Variants in CTNNA1 observed in about 807,000 individuals in gnomAD.
The protein encoded by CTNNA1 is catenin alpha 1, also known as catenin alpha-1.
A neutral mutation model predicts 98.4 loss-of-function variants in CTNNA1; 37 were observed. The ratio of observed to expected loss-of-function variants is 0.38; its 90% CI spans 0.29 to 0.49. CTNNA1 has a LOEUF of 0.49. Ranked by LOEUF, CTNNA1 falls within the 20% of genes least tolerant of loss-of-function variation. The pLI, the probability that CTNNA1 is intolerant of heterozygous loss-of-function variation, is 0.95. For synonymous variants in CTNNA1, 404 were observed against 413.2 expected (o/e 0.98, Z 0.27); for missense variants, 761 against 1,147.2 (o/e 0.66, Z 4.86).
At position 138,925,210 on chromosome 5, in the gene CTNNA1, A is replaced by C. The variant is rs372484399; in HGVS notation, c.1748-46A>C. The C allele has an allele frequency of 1.5e-4, 245 of 1,594,890 alleles. No homozygotes were observed. Among genetic ancestry groups the C allele is most frequent in the Non-Finnish European group, 3.3e-5 (39 of 1,169,882 alleles). ...TGATTCAGGGAGGGCCAGGGGAATG[A>C]TGCTGCCTGCTGACCAGGGTATCTA... On this transcript the variant is annotated intron_variant, in intron 12 of 17. Coordinates refer to ENST00000302763, the MANE Select transcript of CTNNA1 (RefSeq NM_001903.5).
rs570885327 is a variant in CTNNA1 at position 138,803,829 on chromosome 5, C to T, written c.302-6209C>T. On this transcript the variant is annotated intron_variant, in intron 3 of 17. Coordinates refer to ENST00000302763, the MANE Select transcript of CTNNA1 (RefSeq NM_001903.5). ...TCCAGTACTATTGTTTATTGTCTTT[C>T]TCTCCCACTAGAATGTAAGTTCCCT... Among the ~76,000 whole-genome samples the T allele has an allele frequency of 4.3e-4, 65 of 152,314 alleles. 2 individuals carry two copies. In the South Asian group the frequency reaches 0.012, roughly 29 times the overall value.
At chr5:138,896,191 A>G (rs1476355222) in intron 9 of CTNNA1, among the ~76,000 whole-genome samples, 7 of 152,156 alleles carry the variant, frequency 4.6e-5, no homozygotes, top group Non-Finnish European at 4.4e-5. Context: ...GTGTGTACAC[A>G]GTGTCAGGGA....
At chr5:138,818,134 C>CTT (rs781515010) in intron 5 of CTNNA1, among the ~76,000 whole-genome samples, 5 of 133,470 alleles carry the variant, frequency 3.7e-5, no homozygotes, top group African/African-American at 8.3e-5. Context: ...TTTCCTTTTT[C>CTT]TTTTTTTTTT....
chr5:138,776,735 C>T (rs1754263930), intron 1 of CTNNA1, among the ~76,000 whole-genome samples: 1 of 150,280 alleles, frequency 6.7e-6, no homozygotes, highest in African/African-American at 2.4e-5. Flanking sequence ...TCCTCACTTC[C>T]CAGTAGGGGC....
chr5:138,932,898 C>A (rs748484235), intron 17 of CTNNA1, 186 bp downstream of exon 17: 35 of 829,524 alleles, frequency 4.2e-5, no homozygotes, highest in Non-Finnish European at 6.5e-5. Flanking sequence ...AACTGTGACA[C>A]CTGCGGGGCA....
chr5:138,796,352 C>G (rs558821226), intron 3 of CTNNA1, among the ~76,000 whole-genome samples: 1 of 151,512 alleles, frequency 6.6e-6, no homozygotes, highest in African/African-American at 2.4e-5. Flanking sequence ...GTCAGGAGAT[C>G]GAGACCACGG....
intron 9 of CTNNA1, among the ~76,000 whole-genome samples, chr5:138,892,923 G>A (rs1176496186): frequency 6.6e-6 from 1 of 152,094 alleles, no homozygotes; most frequent in Non-Finnish European, 1.5e-5. Flanking sequence ...GGCTGAGGCA[G>A]GAGAATCACT....
chr5:138,759,828 G>T (rs1266295387), intron 1 of CTNNA1, among the ~76,000 whole-genome samples: 1 of 152,060 alleles, frequency 6.6e-6, no homozygotes, highest in Non-Finnish European at 1.5e-5. Flanking sequence ...TACTGTCCCA[G>T]TCTTTCCTTG....
At chr5:138,908,770 G>A (rs1411590903) in intron 10 of CTNNA1, among the ~76,000 whole-genome samples, 1 of 152,036 alleles carries the variant, frequency 6.6e-6, no homozygotes, top group East Asian at 2.0e-4. Context: ...TTATCATTAA[G>A]AAAAGAGGAG....
chr5:138,783,521 C>A (rs1755366427), intron 3 of CTNNA1, 149 bp downstream of exon 3: 2 of 651,682 alleles, frequency 3.1e-6, no homozygotes, highest in African/African-American at 1.8e-5. Flanking sequence ...TTAAGTTGGA[C>A]TGGCTCATAT....
Position 138,886,262 on chromosome 5 carries a change from G to A in CTNNA1, c.1113G>A (p.Met371Ile), listed in dbSNP as rs767384077. 1 of 1,610,746 alleles carries A rather than the reference G, an allele frequency of 6.2e-7. No homozygotes were observed. Among genetic ancestry groups the A allele is most frequent in the South Asian group, 1.1e-5 (1 of 90,418 alleles). ...SDALNSAIDK[M>I]TKKTRDLRRQ... is the part of the protein sequence containing the mutation. ...CACTCAATTCTGCAATAGATAAAAT[G>A]ACCAAGAAGACCAGGGACTTGCGTA... Residue 371 changes from methionine to isoleucine, a missense_variant, in exon 8 of 18, where the codon ATG becomes ATA. By Grantham distance (10) the Met-to-Ile change is conservative. This residue lies in a region of CTNNA1 where 287 missense variants were observed against 436.0 expected (regional missense o/e 0.66). Coordinates refer to ENST00000302763, the MANE Select transcript of CTNNA1 (RefSeq NM_001903.5).
intron 7 of CTNNA1, among the ~76,000 whole-genome samples, chr5:138,857,321 T>C (rs1348776434): frequency 6.6e-6 from 1 of 152,172 alleles, no homozygotes; most frequent in African/African-American, 2.4e-5. Flanking sequence ...GGCTTCTTGT[T>C]ATTTGGTCCT....
chr5:138,781,074 T>G (rs1271185840), intron 1 of CTNNA1, among the ~76,000 whole-genome samples: 1 of 152,202 alleles, frequency 6.6e-6, no homozygotes, highest in Non-Finnish European at 1.5e-5. Flanking sequence ...TGAGTGATAA[T>G]AGCTGTGGGT....
chr5:138,921,918 T>C (rs74884354), intron 11 of CTNNA1, among the ~76,000 whole-genome samples: 1 of 142,828 alleles, frequency 7.0e-6, no homozygotes, highest in Admixed American at 6.9e-5. Context: ...CGGCCGGTGA[T>C]TTTTTTTTTT....
rs2149727257 is a variant in CTNNA1, at chr5:138,810,123, A to G, written c.387A>G (p.Arg129=). 6.2e-7 allele frequency: 1 copy of G among 1,614,170 alleles called. No individual in the cohort carries two copies. Among genetic ancestry groups the G allele is most frequent in the Non-Finnish European group, 8.5e-7 (1 of 1,180,032 alleles). Residue 129 remains arginine, a synonymous_variant, in exon 4 of 18, where the codon CGA becomes CGG. Transcript: ENST00000302763. ...VKRGNMVRAA[R]ALLSAVTRLL... ...GAGGCAACATGGTTCGGGCAGCTCG[A>G]GCTTTGCTCTCTGCTGTTACCCGGT... is the stretch of plus-strand genomic sequence containing the variant.
chr5:138,799,851 G>A (rs1386806785), intron 3 of CTNNA1, among the ~76,000 whole-genome samples: 1 of 109,860 alleles, frequency 9.1e-6, no homozygotes, highest in African/African-American at 3.1e-5. Context: ...AATTAGAGTA[G>A]ATGTAGATGT....
rs1764277774 is a variant in CTNNA1, at chr5:138,927,288, T to C, written c.1899+1881T>C. ...TTCTTTATGCTGGCCTACGAGGCCT[T>C]CTGGGACTGGAACCTGTCACTTCTC... is the stretch of plus-strand genomic sequence containing the variant. On this transcript the variant is annotated intron_variant, in intron 13 of 17. Coordinates refer to ENST00000302763, the MANE Select transcript of CTNNA1 (RefSeq NM_001903.5). Among the ~76,000 whole-genome samples, 3 of 152,222 alleles carry C rather than the reference T, an allele frequency of 2.0e-5. No individual in the cohort carries two copies. In the South Asian group the frequency reaches 6.2e-4, roughly 32 times the overall value.
chr5:138,805,680 G>A (rs1758013699), intron 3 of CTNNA1, among the ~76,000 whole-genome samples: 1 of 151,474 alleles, frequency 6.6e-6, no homozygotes, highest in Non-Finnish European at 1.5e-5. Flanking sequence ...CTAACTTCTG[G>A]GCTCAAGCAG....
intron 5 of CTNNA1, among the ~76,000 whole-genome samples, chr5:138,819,541 A>C (rs529587412): frequency 6.6e-6 from 1 of 152,122 alleles, no homozygotes; most frequent in Non-Finnish European, 1.5e-5. Flanking sequence ...CCCAGGGGCA[A>C]TGTGCTGCTT....
Sources: allele counts gnomAD v4.1 joint callset (sites outside exome capture counted in the v4.1 genomes callset), GRCh38; gene constraint gnomAD v4.1.1; regional missense constraint gnomAD v4.1.1; transcripts MANE v1.5; gene names NCBI Gene and HGNC (gene_info 2026-07-23, HGNC 2026-07-21).